The following RAP1GAP2 variants were observed in gnomAD, a reference collection of about 807,000 sequenced individuals.
RAP1GAP2 encodes the protein rap1 GTPase-activating protein 2.
In RAP1GAP2, 27 loss-of-function variants were observed where a neutral mutation model predicts 95.0. That is an observed-to-expected ratio of 0.28 (90% CI 0.21 to 0.39). The LOEUF (loss-of-function observed/expected upper bound fraction) is 0.39, where lower values mean the gene tolerates loss of function less well. RAP1GAP2 is among the 10% of genes least tolerant of loss of function. RAP1GAP2 has a pLI of 1.00. For synonymous variants in RAP1GAP2, 373 were observed against 380.9 expected, an observed-to-expected ratio of 0.98 and a Z score of 0.24; for missense variants, 771 against 970.0, an observed-to-expected ratio of 0.79 and a Z score of 2.72.
chr17:2,757,717 C>T (rs1278751768), intron 1 of RAP1GAP2, among the ~76,000 whole-genome samples: 1 of 152,046 alleles, frequency 6.6e-6, no homozygotes, highest in Admixed American at 6.6e-5. Flanking sequence ...ACCCCAGCAC[C>T]CCAGACCTTC....
At chr17:2,955,083 A>C (rs967868728) in intron 3 of RAP1GAP2, among the ~76,000 whole-genome samples, 4 of 152,170 alleles carry the variant, frequency 2.6e-5, no homozygotes, top group Admixed American at 2.0e-4. Context: ...TGCAGTAGTG[A>C]ATGTTTGTGT....
intron 3 of RAP1GAP2, among the ~76,000 whole-genome samples, chr17:2,908,075 G>T (rs1426569170): frequency 6.6e-6 from 1 of 152,158 alleles, no homozygotes; most frequent in Non-Finnish European, 1.5e-5. Context: ...AAAGTGCTGG[G>T]ATTACAGTCG....
chr17:3,001,518 C>T (rs1368278624), intron 14 of RAP1GAP2, among the ~76,000 whole-genome samples: 1 of 93,016 alleles, frequency 1.1e-5, no homozygotes, highest in African/African-American at 4.7e-5. Context: ...CTTCCTGATG[C>T]CGGAGAAGGG....
chr17:2,784,334 G>A (rs950341926), intron 1 of RAP1GAP2, among the ~76,000 whole-genome samples: 6 of 150,010 alleles, frequency 4.0e-5, no homozygotes, highest in Non-Finnish European at 8.9e-5. Flanking sequence ...ACAGTGGCGT[G>A]ATCTCGGCTC....
At chr17:2,818,499 T>G (rs2070139984) in intron 2 of RAP1GAP2, among the ~76,000 whole-genome samples, 1 of 149,902 alleles carries the variant, frequency 6.7e-6, no homozygotes, top group Admixed American at 6.7e-5. Context: ...AATTTTTGTA[T>G]TTTTTTTTAG....
chr17:2,790,409 G>A (rs1308768533), intron 1 of RAP1GAP2, among the ~76,000 whole-genome samples: 2 of 152,096 alleles, frequency 1.3e-5, no homozygotes, highest in African/African-American at 4.8e-5. Flanking sequence ...GTGAGCCACC[G>A]CACCCGACCT....
chr17:2,987,686 T>G (rs758791321), intron 11 of RAP1GAP2, among the ~76,000 whole-genome samples: 13 of 152,086 alleles, frequency 8.5e-5, no homozygotes, highest in Non-Finnish European at 1.8e-4. Context: ...TAAAGGAAAT[T>G]TTATATCACT....
chr17:2,834,765 C>T (rs768881121), intron 2 of RAP1GAP2, among the ~76,000 whole-genome samples: 1 of 152,130 alleles, frequency 6.6e-6, no homozygotes, highest in Non-Finnish European at 1.5e-5. Flanking sequence ...TCACTGTACT[C>T]CAGCCTGGGT....
chr17:3,014,074 GC>G (rs1262792109), intron 17 of RAP1GAP2, among the ~76,000 whole-genome samples: 3 of 151,310 alleles, frequency 2.0e-5, no homozygotes, highest in Non-Finnish European at 3.0e-5. Flanking sequence ...CGGCTATAGA[GC>G]CCGTGGCTGC....
intron 2 of RAP1GAP2, among the ~76,000 whole-genome samples, chr17:2,835,906 A>G (rs902836840): frequency 6.6e-6 from 1 of 152,054 alleles, no homozygotes; most frequent in Non-Finnish European, 1.5e-5. Context: ...GAAGGGAGAC[A>G]CTCCTGTTTT....
chr17:2,804,485 GC>G (rs2151486272), intron 2 of RAP1GAP2, among the ~76,000 whole-genome samples: 1 of 152,316 alleles, frequency 6.6e-6, no homozygotes, highest in East Asian at 1.9e-4. Flanking sequence ...TGTGTGTGGA[GC>G]TGAGTGGTTC....
chr17:2,971,077 C>A (rs143200541), intron 8 of RAP1GAP2, among the ~76,000 whole-genome samples: 261 of 152,166 alleles, frequency 1.7e-3, no homozygotes, highest in Middle Eastern at 6.8e-3. Flanking sequence ...ATCAGTCGAC[C>A]TATGTAACTA....
intron 2 of RAP1GAP2, among the ~76,000 whole-genome samples, chr17:2,807,912 C>A (rs539063673): frequency 5.9e-5 from 9 of 152,234 alleles, no homozygotes; most frequent in African/African-American, 2.2e-4. Flanking sequence ...GATATTGAGA[C>A]AGCCACGTAA....
At chr17:2,762,397 CTTTTTTTTT>C (rs71150894) in intron 1 of RAP1GAP2, among the ~76,000 whole-genome samples, 1 of 124,208 alleles carries the variant, frequency 8.1e-6, no homozygotes, top group African/African-American at 3.0e-5. Flanking sequence ...TTTTTTCTTT[CTTTTTTTTT>C]TTTTTTTTTG....
chr17:2,912,538 C>CT (rs1196235081), intron 3 of RAP1GAP2, among the ~76,000 whole-genome samples: 1 of 152,086 alleles, frequency 6.6e-6, no homozygotes, highest in African/African-American at 2.4e-5. Flanking sequence ...GCAGGAAGGG[C>CT]TGAAGGACAT....
At chr17:2,972,854 G>A (rs369842141) in intron 8 of RAP1GAP2, among the ~76,000 whole-genome samples, 27 of 152,212 alleles carry the variant, frequency 1.8e-4, no homozygotes, top group African/African-American at 5.8e-4. Context: ...AATATATGCC[G>A]GACTTTGTCT....
chr17:2,954,601 A>G (rs2044044668), intron 3 of RAP1GAP2, among the ~76,000 whole-genome samples: 2 of 147,158 alleles, frequency 1.4e-5, no homozygotes, highest in African/African-American at 2.5e-5. Flanking sequence ...TATTTATTTT[A>G]CTTATTTACT....
chr17:3,017,697 G>C (rs1038804010), intron 17 of RAP1GAP2, among the ~76,000 whole-genome samples: 1 of 152,156 alleles, frequency 6.6e-6, no homozygotes, highest in Non-Finnish European at 1.5e-5. Context: ...TTAGTAACTA[G>C]GTCAGTGTCG....
At chr17:2,977,537 G>C (rs1324397872) in intron 8 of RAP1GAP2, among the ~76,000 whole-genome samples, 1 of 151,986 alleles carries the variant, frequency 6.6e-6, no homozygotes, top group East Asian at 1.9e-4. Context: ...TTGAGGTCAG[G>C]AGTTGGAGAC....
Sources: gnomAD v4.1 joint callset for allele counts (sites outside exome capture counted in the v4.1 genomes callset) on GRCh38, gnomAD v4.1.1 for gene constraint, MANE v1.5 for transcripts, NCBI Gene and HGNC (gene_info 2026-07-23, HGNC 2026-07-21) for gene names.